CLASP1: variants seen among roughly 807,000 people sequenced by gnomAD.
CLASP1 encodes the protein CLIP-associating protein 1.
A neutral mutation model predicts 192.3 loss-of-function variants in CLASP1; 38 were observed. The ratio of observed to expected loss-of-function variants is 0.20; its 90% CI spans 0.15 to 0.26. The LOEUF (loss-of-function observed/expected upper bound fraction) is 0.26. CLASP1 is among the 10% of genes least tolerant of loss of function. CLASP1 has a pLI of 1.00. For missense variants in CLASP1, 1,433 were observed against 1,932.5 expected (o/e 0.74, Z 4.85); for synonymous variants, 691 against 712.8 (o/e 0.97, Z 0.49).
At chr2:121,570,138 G>A (rs1347133923) in intron 2 of CLASP1, among the ~76,000 whole-genome samples, 1 of 152,190 alleles carries the variant, frequency 6.6e-6, no homozygotes, top group East Asian at 1.9e-4. Flanking sequence ...TTCTTTCCAA[G>A]AGGCCTCTAG....
At chr2:121,529,203 T>A (rs1009754287) in intron 3 of CLASP1, among the ~76,000 whole-genome samples, 3 of 152,152 alleles carry the variant, frequency 2.0e-5, no homozygotes, top group Non-Finnish European at 4.4e-5. Context: ...CTATTGTGTA[T>A]TTTTAGTTTT....
At position 121,461,200 on chromosome 2, in the gene CLASP1, G is replaced by C. The variant is rs1329336785; in HGVS notation, c.940-7C>G. ...GGTCTCGGCTGGAATAAATCTGTAA[G>C]CAAAATTAATTTACAATCAATATAA... On this transcript the variant is annotated splice_region_variant and splice_polypyrimidine_tract_variant and intron_variant, in intron 10 of 39. Coordinates refer to ENST00000263710, the Ensembl canonical transcript of CLASP1. 3 of 1,503,086 alleles carry C rather than the reference G, an allele frequency of 2.0e-6. No individual in the cohort carries two copies. The highest frequency in any genetic ancestry group is 2.8e-5 in the African/African-American group (2 of 71,378). The allele number at this position is 1,503,086 out of a possible 1,614,324, so 93.1% of individuals were successfully genotyped here. A position where few individuals can be genotyped will look rare whatever the true frequency, so the allele number is the denominator to read the frequency against.
rs188235579 is a variant in CLASP1, at chr2:121,563,749, C to T, written c.196-33424G>A. On this transcript the variant is annotated intron_variant, in intron 2 of 39. Coordinates refer to ENST00000263710, the Ensembl canonical transcript of CLASP1. Reference sequence around the variant, plus strand: ...TTCAAATTTCAAAAGTAAGCAAAACCAAATTTGGGAGAAATAAACAAAAAA... The same window carrying T: ...TTCAAATTTCAAAAGTAAGCAAAACTAAATTTGGGAGAAATAAACAAAAAA... 9.2e-5 allele frequency among the ~76,000 whole-genome samples: 14 copies of T among 152,114 alleles called. No homozygotes were observed. In the East Asian group the frequency reaches 1.5e-3, roughly 17 times the overall value.
Position 121,490,399 on chromosome 2 carries a change from G to A in CLASP1, c.712+12768C>T, listed in dbSNP as rs747188488. The stretch of plus-strand genomic sequence containing the variant: ...CACCCACACTTGTTCAGTGTGATCC[G>A]GCAGCACCAATGACAACTGCCACCC... On this transcript the variant is annotated intron_variant, in intron 8 of 39. Coordinates refer to ENST00000263710, the Ensembl canonical transcript of CLASP1. The A allele has an allele frequency of 2.3e-4, 83 of 357,498 alleles. 1 individual carries two copies. Among genetic ancestry groups the A allele is most frequent in the Middle Eastern group, 1.5e-3 (4 of 2,676 alleles). The allele number at this position is 357,498 out of a possible 1,614,324, so 22.1% of individuals were successfully genotyped here.
Position 121,447,352 on chromosome 2 carries a change from A to G in CLASP1, c.1897T>C (p.Ser633Pro), listed in dbSNP as rs551376927. The change falls in exon 19 of 40, where the codon TCA becomes CCA. Residue 633 changes from serine (S) to proline (P), a missense_variant. Transcript: ENST00000263710. ...GTGTGGTTACCTAAGGATGCGTATGACCCTGGAGGCAAAGCTGCTGCAGAG... is the reference window on the plus strand; with the variant it reads ...GTGTGGTTACCTAAGGATGCGTATGGCCCTGGAGGCAAAGCTGCTGCAGAG... The G allele has an allele frequency of 3.1e-6, 5 of 1,591,270 alleles. No homozygotes were observed. In the African/African-American group the frequency reaches 6.7e-5, roughly 21 times the overall value.
chr2:121,346,922 C>T, intron 39 of CLASP1, 116 bp downstream of exon 40: 3 of 617,170 alleles, frequency 4.9e-6, no homozygotes, highest in Non-Finnish European at 5.7e-6. Context: ...GAAATAAGGC[C>T]CAGCTAAAAC....
intron 22 of CLASP1, among the ~76,000 whole-genome samples, chr2:121,421,366 G>A (rs144198612): frequency 2.7e-5 from 4 of 150,810 alleles, no homozygotes; most frequent in Admixed American, 2.0e-4. Context: ...AGTGATTCTC[G>A]TCCCACGAGT....
At chr2:121,447,873 A>T (rs1332529498) in intron 18 of CLASP1, among the ~76,000 whole-genome samples, 1 of 152,148 alleles carries the variant, frequency 6.6e-6, no homozygotes, top group African/African-American at 2.4e-5. Flanking sequence ...CCTCTTACCT[A>T]GAGCCCTCCT....
chr2:121,630,381 AAC>A (rs60827939), intron 1 of CLASP1, among the ~76,000 whole-genome samples: 27,909 of 138,786 alleles, frequency 0.2, 2,644 homozygotes, highest in Middle Eastern at 0.27. Context: ...ATTGGAAAGA[AAC>A]ACACACACAC....
intron 1 of CLASP1, among the ~76,000 whole-genome samples, chr2:121,637,875 G>C (rs1040934999): frequency 2.0e-5 from 3 of 150,198 alleles, no homozygotes; most frequent in African/African-American, 7.3e-5. Context: ...GACAGAGTGA[G>C]ACTCCATCTC....
intron 2 of CLASP1, among the ~76,000 whole-genome samples, chr2:121,542,550 G>T (rs1204147726): frequency 6.6e-6 from 1 of 152,220 alleles, no homozygotes; most frequent in Non-Finnish European, 1.5e-5. Context: ...TACGATGGCA[G>T]AAGTAGTTAC....
intron 36 of CLASP1, among the ~76,000 whole-genome samples, chr2:121,363,818 T>C (rs1365717937): frequency 6.6e-6 from 1 of 152,186 alleles, no homozygotes; most frequent in Non-Finnish European, 1.5e-5. Flanking sequence ...TGTACAGGCC[T>C]CGAGTTGGTT....
At chr2:121,456,240 C>T (rs1318939880) in intron 14 of CLASP1, among the ~76,000 whole-genome samples, 1 of 151,556 alleles carries the variant, frequency 6.6e-6, no homozygotes, top group Non-Finnish European at 1.5e-5. Context: ...TGGCTCACAT[C>T]TATAATCCCA....
chr2:121,530,299 C>T, exon 3 of CLASP1: 1 of 1,552,108 alleles, frequency 6.4e-7, no homozygotes, highest in Non-Finnish European at 8.7e-7. Flanking sequence ...CCAGGGCGGA[C>T]AGGATGTCCA....
chr2:121,426,761 G>T (rs1164896909), intron 21 of CLASP1, among the ~76,000 whole-genome samples: 1 of 152,060 alleles, frequency 6.6e-6, no homozygotes, highest in African/African-American at 2.4e-5. Flanking sequence ...TTATTAATAG[G>T]TAAGTAGCTA....
intron 37 of CLASP1, among the ~76,000 whole-genome samples, chr2:121,349,594 T>G (rs1040828751): frequency 6.6e-6 from 1 of 152,210 alleles, no homozygotes. Flanking sequence ...GAGGCCCACC[T>G]GCCAGGCAGT....
At chr2:121,565,677 G>A (rs1279083351) in intron 2 of CLASP1, among the ~76,000 whole-genome samples, 1 of 152,150 alleles carries the variant, frequency 6.6e-6, no homozygotes, top group East Asian at 1.9e-4. Flanking sequence ...TGTGAGCCCA[G>A]AGCCTTTTTT....
intron 37 of CLASP1, among the ~76,000 whole-genome samples, chr2:121,355,759 A>C (rs1423838387): frequency 6.6e-6 from 1 of 152,240 alleles, no homozygotes; most frequent in East Asian, 1.9e-4. Flanking sequence ...AAGGAAGACA[A>C]CACCACTTAG....
chr2:121,574,501 G>A (rs113985839), intron 2 of CLASP1, among the ~76,000 whole-genome samples: 5,817 of 151,702 alleles, frequency 0.038, 157 homozygotes, highest in East Asian at 0.14. Flanking sequence ...TGAGCGTGGT[G>A]GCACACGCCT....
Sources: allele counts gnomAD v4.1 joint callset (sites outside exome capture counted in the v4.1 genomes callset), GRCh38; gene constraint gnomAD v4.1.1; transcripts MANE v1.5; gene names NCBI Gene and HGNC (gene_info 2026-07-23, HGNC 2026-07-21).